Variants in ZCCHC7 observed in about 807,000 individuals in gnomAD.
The protein encoded by ZCCHC7 is zinc finger CCHC domain-containing protein 7.
In ZCCHC7, 35 loss-of-function variants were observed where a neutral mutation model predicts 52.0. That is an observed-to-expected ratio of 0.67 (90% confidence interval 0.51 to 0.89). ZCCHC7 has a LOEUF of 0.89. Among genes scored for constraint, ZCCHC7 ranks in the 40% least tolerant of loss-of-function variants. The pLI, the probability that ZCCHC7 is intolerant of heterozygous loss-of-function variation, is 0.00. For synonymous variants in ZCCHC7, 217 were observed against 221.5 expected, an observed-to-expected ratio of 0.98 and a Z score of 0.18; for missense variants, 574 against 649.1, an observed-to-expected ratio of 0.88 and a Z score of 1.26.
intron 5 of ZCCHC7, among the ~76,000 whole-genome samples, chr9:37,323,524 G>A (rs182508819): frequency 1.1e-4 from 17 of 152,222 alleles, no homozygotes; most frequent in Admixed American, 8.5e-4. Flanking sequence ...TTTCCATACC[G>A]ATTGGTTAAA....
chr9:37,141,957 A>G (rs1429048804), intron 2 of ZCCHC7, among the ~76,000 whole-genome samples: 2 of 151,872 alleles, frequency 1.3e-5, no homozygotes, highest in Non-Finnish European at 2.9e-5. Context: ...GTTAGAAGTC[A>G]AAAGTAGAGG....
At chr9:37,242,769 A>T (rs1268852807) in intron 2 of ZCCHC7, among the ~76,000 whole-genome samples, 1 of 151,854 alleles carries the variant, frequency 6.6e-6, no homozygotes, top group Non-Finnish European at 1.5e-5. Context: ...TTTACATTTT[A>T]CATTTACATA....
chr9:37,291,994 T>C (rs1390265732), intron 2 of ZCCHC7, among the ~76,000 whole-genome samples: 1 of 152,146 alleles, frequency 6.6e-6, no homozygotes, highest in Non-Finnish European at 1.5e-5. Flanking sequence ...CGCCTGGCCA[T>C]GTTTTACAGT....
intron 2 of ZCCHC7, among the ~76,000 whole-genome samples, chr9:37,287,646 T>C (rs1828316955): frequency 6.6e-6 from 1 of 152,190 alleles, no homozygotes; most frequent in African/African-American, 2.4e-5. Flanking sequence ...TTAACTGTTT[T>C]ATTTCTCTGT....
At chr9:37,353,449 TG>T (rs1471069150) in intron 7 of ZCCHC7, among the ~76,000 whole-genome samples, 1 of 152,178 alleles carries the variant, frequency 6.6e-6, no homozygotes, top group Non-Finnish European at 1.5e-5. Context: ...CACTGTTCAT[TG>T]GAATATTCAT....
At chr9:37,319,544 C>T (rs1247218296) in intron 5 of ZCCHC7, among the ~76,000 whole-genome samples, 2 of 152,134 alleles carry the variant, frequency 1.3e-5, no homozygotes. Flanking sequence ...CCTACCACCT[C>T]AGCCTCCTGA....
At chr9:37,171,895 T>G (rs1821749256) in intron 2 of ZCCHC7, among the ~76,000 whole-genome samples, 1 of 152,242 alleles carries the variant, frequency 6.6e-6, no homozygotes, top group Admixed American at 6.5e-5. Flanking sequence ...GAAAAAATTA[T>G]TTTGGTAGAT....
intron 2 of ZCCHC7, among the ~76,000 whole-genome samples, chr9:37,242,731 C>G (rs957645060): frequency 6.6e-6 from 1 of 151,768 alleles, no homozygotes; most frequent in Non-Finnish European, 1.5e-5. Flanking sequence ...CTTGCTGCCT[C>G]AAGTTATTTT....
intron 6 of ZCCHC7, among the ~76,000 whole-genome samples, chr9:37,332,122 G>C (rs1236717508): frequency 1.3e-5 from 2 of 151,378 alleles, no homozygotes; most frequent in Admixed American, 1.3e-4. Flanking sequence ...TTAATGTTTT[G>C]ATTGATCAGG....
intron 2 of ZCCHC7, among the ~76,000 whole-genome samples, chr9:37,219,908 A>C (rs554414171): frequency 1.1e-4 from 16 of 152,308 alleles, no homozygotes; most frequent in African/African-American, 3.8e-4. Context: ...GATATCAAGG[A>C]CGTCAGGACA....
At chr9:37,278,029 TGTGTGTG>T in intron 2 of ZCCHC7, among the ~76,000 whole-genome samples, 1 of 134,880 alleles carries the variant, frequency 7.4e-6, no homozygotes, top group South Asian at 2.5e-4. Context: ...TGTGTGTGTG[TGTGTGTG>T]TTTTGTTTTG....
At chr9:37,176,123 G>T (rs1822013450) in intron 2 of ZCCHC7, among the ~76,000 whole-genome samples, 1 of 152,026 alleles carries the variant, frequency 6.6e-6, no homozygotes, top group Non-Finnish European at 1.5e-5. Context: ...ACCCAGGCTG[G>T]AGTCCAGTGG....
chr9:37,222,326 AGAGTGTGTGT>A (rs1274166725), intron 2 of ZCCHC7, among the ~76,000 whole-genome samples: 2 of 121,522 alleles, frequency 1.6e-5, no homozygotes, highest in Non-Finnish European at 3.4e-5. Flanking sequence ...CCAGAATAAC[AGAGTGTGTGT>A]GTGTGTGTGT....
At chr9:37,249,073 T>A (rs1349256751) in intron 2 of ZCCHC7, among the ~76,000 whole-genome samples, 1 of 152,216 alleles carries the variant, frequency 6.6e-6, no homozygotes, top group African/African-American at 2.4e-5. Flanking sequence ...ATATTGTCCC[T>A]TTCCCTTAGA....
chr9:37,256,422 G>T (rs1196834535), intron 2 of ZCCHC7, among the ~76,000 whole-genome samples: 1 of 152,116 alleles, frequency 6.6e-6, no homozygotes, highest in African/African-American at 2.4e-5. Flanking sequence ...CATTTCCACT[G>T]ATGATAAGGA....
chr9:37,310,369 C>A (rs1829533196), intron 5 of ZCCHC7, among the ~76,000 whole-genome samples: 1 of 152,194 alleles, frequency 6.6e-6, no homozygotes, highest in South Asian at 2.1e-4. Flanking sequence ...GAAACCTATT[C>A]TGTGAGCTAT....
At chr9:37,166,654 A>T (rs868148770) in intron 2 of ZCCHC7, among the ~76,000 whole-genome samples, 3 of 151,942 alleles carry the variant, frequency 2.0e-5, no homozygotes, top group South Asian at 2.1e-4. Context: ...GTGGAAGCTC[A>T]GGTTGTTGAT....
chr9:37,297,205 C>G (rs532805733), intron 2 of ZCCHC7, among the ~76,000 whole-genome samples: 1 of 151,998 alleles, frequency 6.6e-6, no homozygotes, highest in Admixed American at 6.6e-5. Context: ...ATTAAATTAG[C>G]CTTCTATTGT....
intron 2 of ZCCHC7, among the ~76,000 whole-genome samples, chr9:37,198,687 A>T (rs1183847660): frequency 6.6e-6 from 1 of 152,218 alleles, no homozygotes; most frequent in Admixed American, 6.5e-5. Flanking sequence ...GGAGGTCCTA[A>T]TGATAGAGCT....
Sources: allele counts gnomAD v4.1 joint callset (sites outside exome capture counted in the v4.1 genomes callset), GRCh38; gene constraint gnomAD v4.1.1; transcripts MANE v1.5; gene names NCBI Gene and HGNC (gene_info 2026-07-23, HGNC 2026-07-21).